MACROD2: variants seen among roughly 807,000 people sequenced by gnomAD.
The protein encoded by MACROD2 is ADP-ribose glycohydrolase MACROD2.
Under a neutral mutation model 70.4 loss-of-function variants are expected in MACROD2, and 36 were observed. The observed-to-expected ratio is 0.51, with a 90% CI of 0.39 to 0.68. The LOEUF (loss-of-function observed/expected upper bound fraction) is 0.68. MACROD2 is among the 30% of genes least tolerant of loss of function. The pLI, the probability that MACROD2 is intolerant of heterozygous loss-of-function variation, is 0.00. For synonymous variants in MACROD2, 172 were observed against 178.8 expected, an observed-to-expected ratio of 0.96 and a Z score of 0.30; for missense variants, 496 against 538.4, an observed-to-expected ratio of 0.92 and a Z score of 0.78.
chr20:16,041,180 T>C, intron 15 of MACROD2, 21 bp from the exon 16 acceptor site: 1 of 1,605,208 alleles, frequency 6.2e-7, no homozygotes, highest in Non-Finnish European at 8.5e-7. Context: ...CATCAGGGAC[T>C]GTGGTCTTTT....
chr20:15,767,227 T>A lies in MACROD2; in HGVS notation c.646-95518T>A, dbSNP rs146091552. Among the ~76,000 whole-genome samples, 591 of 152,356 alleles carry A rather than the reference T, an allele frequency of 3.9e-3. 3 individuals carry two copies. The highest frequency in any genetic ancestry group is 0.014 in the Middle Eastern group (4 of 294). The stretch of plus-strand genomic sequence containing the variant: ...TCTTTCGGTTTTCCTCAAAAACTTG[T>A]ATAGATCATCTTTTGAGATGAATAG... On this transcript the variant is annotated intron_variant, in intron 8 of 17. Coordinates refer to ENST00000684519, the MANE Select transcript of MACROD2 (RefSeq NM_001351661.2).
chr20:14,425,407 A>G (rs2122909309), intron 3 of MACROD2, among the ~76,000 whole-genome samples: 1 of 152,328 alleles, frequency 6.6e-6, no homozygotes, highest in Admixed American at 6.5e-5. Context: ...AGCTCTGTTC[A>G]GTGTTTGCAT....
intron 7 of MACROD2, among the ~76,000 whole-genome samples, chr20:15,453,562 T>C (rs1203211938): frequency 1.3e-5 from 2 of 152,190 alleles, no homozygotes; most frequent in East Asian, 3.9e-4. Context: ...AAATCTTATG[T>C]GTTATTTGTA....
At chr20:14,287,443 C>G (rs764795466) in intron 3 of MACROD2, among the ~76,000 whole-genome samples, 22 of 95,260 alleles carry the variant, frequency 2.3e-4, no homozygotes, top group Admixed American at 2.9e-4. Context: ...TTGCAGCCTA[C>G]GTTTATCAAA....
intron 8 of MACROD2, among the ~76,000 whole-genome samples, chr20:15,764,937 C>T (rs901564660): frequency 6.6e-6 from 1 of 152,178 alleles, no homozygotes; most frequent in Non-Finnish European, 1.5e-5. Flanking sequence ...TGCTGGCCTT[C>T]CTGCTATTCT....
intron 6 of MACROD2, among the ~76,000 whole-genome samples, chr20:15,255,859 G>A (rs1246885923): frequency 6.6e-6 from 1 of 152,084 alleles, no homozygotes; most frequent in Non-Finnish European, 1.5e-5. Flanking sequence ...GCTTCTACAT[G>A]CTATGGCATG....
At chr20:14,354,977 A>T (rs2083158998) in intron 3 of MACROD2, among the ~76,000 whole-genome samples, 1 of 152,176 alleles carries the variant, frequency 6.6e-6, no homozygotes, top group Non-Finnish European at 1.5e-5. Context: ...ATTCTTTCTT[A>T]TGGCTGTGTA....
At chr20:15,823,276 GTGT>G (rs1691271746) in intron 8 of MACROD2, among the ~76,000 whole-genome samples, 1 of 17,884 alleles carries the variant, frequency 5.6e-5, no homozygotes, top group African/African-American at 2.1e-4. Flanking sequence ...TGAGCTCTTC[GTGT>G]GTGTGTGTGT....
chr20:14,154,709 G>A (rs1398267178), intron 3 of MACROD2, among the ~76,000 whole-genome samples: 5 of 151,936 alleles, frequency 3.3e-5, no homozygotes, highest in Non-Finnish European at 7.4e-5. Flanking sequence ...ACCGCGCCCA[G>A]CCTAGTAATA....
chr20:14,231,588 C>T (rs890298164), intron 3 of MACROD2, among the ~76,000 whole-genome samples: 3 of 151,990 alleles, frequency 2.0e-5, no homozygotes, highest in Non-Finnish European at 4.4e-5. Context: ...TGAGTAGTGC[C>T]GCAATAAACA....
intron 5 of MACROD2, among the ~76,000 whole-genome samples, chr20:14,872,051 G>C (rs550924): frequency 0.25 from 37,982 of 151,976 alleles, 5,482 homozygotes; most frequent in Non-Finnish European, 0.33. Context: ...GAGATACTTA[G>C]AGTCCCACGC....
At chr20:15,575,278 A>C (rs1426112311) in intron 8 of MACROD2, among the ~76,000 whole-genome samples, 1 of 152,198 alleles carries the variant, frequency 6.6e-6, no homozygotes, top group African/African-American at 2.4e-5. Context: ...AATGCATTTG[A>C]AGCTGTCTGA....
At chr20:15,362,539 A>G (rs2078364874) in intron 6 of MACROD2, among the ~76,000 whole-genome samples, 1 of 152,072 alleles carries the variant, frequency 6.6e-6, no homozygotes, top group Non-Finnish European at 1.5e-5. Flanking sequence ...CTTTTCCTGC[A>G]TCGATACAAT....
At chr20:15,763,953 G>C (rs1434765381) in intron 8 of MACROD2, among the ~76,000 whole-genome samples, 2 of 152,194 alleles carry the variant, frequency 1.3e-5, no homozygotes, top group Non-Finnish European at 2.9e-5. Flanking sequence ...AATATACTTT[G>C]ATTTGAGCTA....
intron 6 of MACROD2, among the ~76,000 whole-genome samples, chr20:15,257,600 A>G (rs73101217): frequency 0.11 from 16,852 of 152,078 alleles, 1,202 homozygotes; most frequent in African/African-American, 0.19. Context: ...AAAAATTTCT[A>G]TCTTCTTAAG....
Position 15,318,507 on chromosome 20 carries a change from G to C in MACROD2, c.540+88446G>C, listed in dbSNP as rs141828011. On this transcript the variant is annotated intron_variant, in intron 6 of 17. Transcript: ENST00000684519. ...TATCCTGATACCAAAGCCAGACAAA[G>C]ACATCACTAGAAATAAGAAAATTAT... 4.1e-3 allele frequency among the ~76,000 whole-genome samples: 618 copies of C among 152,112 alleles called. 5 individuals carry two copies. Among genetic ancestry groups the C allele is most frequent in the Non-Finnish European group, 4.2e-3 (283 of 67,910 alleles).
At chr20:15,605,232 G>A (rs748634269) in intron 8 of MACROD2, among the ~76,000 whole-genome samples, 20 of 152,018 alleles carry the variant, frequency 1.3e-4, no homozygotes, top group Non-Finnish European at 2.9e-4. Context: ...CTTTGTATGA[G>A]GAGAAATTGT....
Position 14,996,426 on chromosome 20 carries a change from G to A in MACROD2, c.419-233514G>A, listed in dbSNP as rs1192952962. 9.9e-5 allele frequency among the ~76,000 whole-genome samples: 15 copies of A among 152,162 alleles called. No individual in the cohort carries two copies. In the East Asian group the frequency reaches 2.9e-3, roughly 29 times the overall value. ...CCATTGAAGAGTCTTCCAGAGAGGG[G>A]AGGCAGAGCGAGATGGCTGAATAGA... On this transcript the variant is annotated intron_variant, in intron 5 of 17. Coordinates refer to ENST00000684519, the MANE Select transcript of MACROD2 (RefSeq NM_001351661.2).
intron 6 of MACROD2, among the ~76,000 whole-genome samples, chr20:15,427,566 G>A (rs956480391): frequency 1.3e-5 from 2 of 152,158 alleles, no homozygotes; most frequent in Admixed American, 6.6e-5. Flanking sequence ...GAGGAAGCAG[G>A]AGTAGGCTGA....
Sources: gnomAD v4.1 joint callset for allele counts (sites outside exome capture counted in the v4.1 genomes callset) on GRCh38, gnomAD v4.1.1 for gene constraint, MANE v1.5 for transcripts, NCBI Gene and HGNC (gene_info 2026-07-23, HGNC 2026-07-21) for gene names.